Variants in ITCH observed in about 807,000 individuals in gnomAD.
The protein encoded by ITCH is E3 ubiquitin-protein ligase Itchy homolog.
ITCH carries 28 observed loss-of-function variants against 126.8 expected under a neutral mutation model. That is an observed-to-expected ratio of 0.22 (90% CI 0.16 to 0.30). The LOEUF (loss-of-function observed/expected upper bound fraction) is 0.30, where lower values mean the gene tolerates loss of function less well. Ranked by LOEUF, ITCH falls within the 10% of genes least tolerant of loss-of-function variation. The pLI is 1.00. For missense variants in ITCH, 631 were observed against 1,032.4 expected (o/e 0.61, Z 5.33); for synonymous variants, 342 against 340.0 (o/e 1.01, Z -0.06).
rs552306522 is a variant in ITCH at position 34,464,770 on chromosome 20, G to A, written c.1424+2549G>A. 1.5e-4 allele frequency among the ~76,000 whole-genome samples: 23 copies of A among 152,068 alleles called. No homozygotes were observed. The East Asian group carries it at 3.3e-3, about 22-fold the overall frequency. ...CTGTCGCCCAGGCTGGAGTGCAGTG[G>A]CAAGATCTCAGCTCACTGCAACCTC... On this transcript the variant is annotated intron_variant, in intron 14 of 24. Transcript: ENST00000374864.
intron 3 of ITCH, among the ~76,000 whole-genome samples, chr20:34,407,272 T>C (rs1455815149): frequency 2.0e-5 from 3 of 152,146 alleles, no homozygotes; most frequent in Non-Finnish European, 4.4e-5. Context: ...TTATCATTAT[T>C]ATTATTATTT....
chr20:34,436,386 T>C (rs1253242052), intron 7 of ITCH, among the ~76,000 whole-genome samples: 2 of 152,224 alleles, frequency 1.3e-5, no homozygotes, highest in Non-Finnish European at 2.9e-5. Flanking sequence ...TTATCTGTTA[T>C]TTAAAAAGCA....
At chr20:34,410,115 C>A (rs1978778678) in intron 4 of ITCH, among the ~76,000 whole-genome samples, 1 of 151,870 alleles carries the variant, frequency 6.6e-6, no homozygotes, top group South Asian at 2.1e-4. Context: ...CTCCTGTAAT[C>A]CCAGCAGTTT....
At chr20:34,385,700 G>A (rs1349069504) in intron 2 of ITCH, among the ~76,000 whole-genome samples, 5 of 152,152 alleles carry the variant, frequency 3.3e-5, no homozygotes, top group African/African-American at 7.2e-5. Context: ...GTTGAACCTC[G>A]AAAGTTGTAG....
At chr20:34,372,522 A>G (rs1245336631) in intron 2 of ITCH, among the ~76,000 whole-genome samples, 1 of 150,636 alleles carries the variant, frequency 6.6e-6, no homozygotes, top group African/African-American at 2.4e-5. Flanking sequence ...CTGGGATTAC[A>G]GGCACCCGCC....
intron 7 of ITCH, among the ~76,000 whole-genome samples, chr20:34,436,099 A>C (rs1982969430): frequency 6.6e-6 from 1 of 152,232 alleles, no homozygotes; most frequent in Admixed American, 6.5e-5. Flanking sequence ...AATCCCCAGC[A>C]ACAAATCATA....
chr20:34,433,205 G>A lies in ITCH; in HGVS notation c.522-5269G>A, dbSNP rs377737451. On this transcript the variant is annotated intron_variant, in intron 7 of 24. Transcript: ENST00000374864. ...CTTGGGAGGCTGAGGCTGGAGAATC[G>A]CTTGAACCCGGGAGGCGGAGGTTGC... Among the ~76,000 whole-genome samples, 47 of 151,962 alleles carry A rather than the reference G, an allele frequency of 3.1e-4. No individual in the cohort carries two copies. In the East Asian group the frequency reaches 4.1e-3, roughly 13 times the overall value.
At chr20:34,465,863 T>C (rs998097859) in intron 14 of ITCH, among the ~76,000 whole-genome samples, 7 of 152,096 alleles carry the variant, frequency 4.6e-5, no homozygotes, top group Admixed American at 1.3e-4. Context: ...CAGATAAGTT[T>C]TCTTCTTCCC....
chr20:34,477,492 G>A (rs1988343216), intron 16 of ITCH, among the ~76,000 whole-genome samples: 2 of 152,300 alleles, frequency 1.3e-5, no homozygotes, highest in South Asian at 4.1e-4. Context: ...TTGTGCCATT[G>A]CACTCCAGCC....
chr20:34,375,420 C>T (rs546406937), intron 2 of ITCH, among the ~76,000 whole-genome samples: 2 of 150,512 alleles, frequency 1.3e-5, no homozygotes, highest in South Asian at 4.2e-4. Context: ...TTTAGCCATT[C>T]CACAACATGT....
chr20:34,442,877 G>A (rs1983940475), intron 10 of ITCH, among the ~76,000 whole-genome samples: 1 of 151,050 alleles, frequency 6.6e-6, no homozygotes, highest in South Asian at 2.1e-4. Context: ...TTGGGAGGCT[G>A]AGGCAGGAGA....
At chr20:34,379,772 T>C (rs1359955136) in intron 2 of ITCH, among the ~76,000 whole-genome samples, 1 of 151,600 alleles carries the variant, frequency 6.6e-6, no homozygotes, top group Non-Finnish European at 1.5e-5. Flanking sequence ...TTTCTTTTTG[T>C]GTTTTTAGTA....
Position 34,449,435 on chromosome 20 carries a change from C to T in ITCH, c.1165C>T (p.Gln389Ter). 6.2e-7 allele frequency: 1 copy of T among 1,611,318 alleles called. No homozygotes were observed. The highest frequency in any genetic ancestry group is 8.5e-7 in the Non-Finnish European group (1 of 1,177,772). ...YGNQDLFATS[Q>*]SKEFDPLGPL... is the part of the protein sequence containing the mutation. ...GAATCAAGATTTATTTGCTACATCA[C>T]AAAGTAAAGAATTTGATCCTCTTGG... Residue 389 changes from glutamine to a stop codon, truncating the protein, a stop_gained, in exon 12 of 25, where the codon CAA (glutamine) becomes TAA (stop). Transcript: ENST00000374864. LOFTEE classifies it high-confidence loss of function.
chr20:34,421,594 TTTG>T (rs35405455), intron 6 of ITCH, among the ~76,000 whole-genome samples: 4,409 of 151,624 alleles, frequency 0.029, 92 homozygotes, highest in Non-Finnish European at 0.045. Flanking sequence ...GTGTTAGATT[TTTG>T]TTGTTGTTGT....
At chr20:34,402,385 A>G in intron 3 of ITCH, 1 of 799,234 alleles carries the variant, frequency 1.3e-6, no homozygotes, top group East Asian at 2.4e-5. Context: ...TTGGGTCCCA[A>G]CAAGCAACAA....
chr20:34,433,036 TCC>T, intron 7 of ITCH, among the ~76,000 whole-genome samples: 1 of 152,098 alleles, frequency 6.6e-6, no homozygotes, highest in African/African-American at 2.4e-5. Context: ...ATGCCTGTAA[TCC>T]CAGCACTTTA....
intron 20 of ITCH, 151 bp downstream of exon 20, chr20:34,481,357 AAG>A: frequency 1.1e-6 from 1 of 897,732 alleles, no homozygotes; most frequent in Non-Finnish European, 1.7e-6. Flanking sequence ...CATTTCTAAA[AAG>A]TTTTTTTTTA....
At chr20:34,459,540 A>C (rs1294592150) in intron 13 of ITCH, among the ~76,000 whole-genome samples, 2 of 152,198 alleles carry the variant, frequency 1.3e-5, no homozygotes, top group African/African-American at 4.8e-5. Context: ...AGTGCATTCC[A>C]AGGGCCTAAA....
chr20:34,440,464 TTTC>T, intron 9 of ITCH, 120 bp downstream of exon 9: 2 of 810,894 alleles, frequency 2.5e-6, no homozygotes, highest in African/African-American at 1.7e-5. Context: ...TGTTTTTTAA[TTTC>T]TTTTTTTTTT....
Sources: gnomAD v4.1 joint callset for allele counts (sites outside exome capture counted in the v4.1 genomes callset) on GRCh38, gnomAD v4.1.1 for gene constraint, MANE v1.5 for transcripts, NCBI Gene and HGNC (gene_info 2026-07-23, HGNC 2026-07-21) for gene names.